The following RPGRIP1L variants were observed in gnomAD, a reference collection of about 807,000 sequenced individuals.
RPGRIP1L encodes RPGRIP1 like, also known as protein fantom.
A neutral mutation model predicts 160.4 loss-of-function variants in RPGRIP1L; 131 were observed. That is an observed-to-expected ratio of 0.82 (90% confidence interval 0.71 to 0.94). RPGRIP1L has a LOEUF of 0.94. Among genes scored for constraint, RPGRIP1L ranks in the 40% least tolerant of loss-of-function variants. The pLI, the probability that RPGRIP1L is intolerant of heterozygous loss-of-function variation, is 0.00. For missense variants in RPGRIP1L, 1,522 were observed against 1,535.8 expected, an observed-to-expected ratio of 0.99 and a Z score of 0.15; for synonymous variants, 510 against 515.8, an observed-to-expected ratio of 0.99 and a Z score of 0.15.
chr16:53,668,066 C>A, intron 9 of RPGRIP1L, among the ~76,000 whole-genome samples: 1 of 144,112 alleles, frequency 6.9e-6, no homozygotes, highest in African/African-American at 2.5e-5. Context: ...TCTCTGTCTC[C>A]TTTTTTTTTT....
At chr16:53,686,041 T>G (rs188801770) in intron 6 of RPGRIP1L, among the ~76,000 whole-genome samples, 2 of 152,200 alleles carry the variant, frequency 1.3e-5, no homozygotes, top group Admixed American at 6.5e-5. Flanking sequence ...GAATTTACTA[T>G]CTTTTAAGGT....
rs561210424 is a variant in RPGRIP1L, at chr16:53,599,504, T to C, written c.*2572A>G. Reference sequence around the variant, plus strand: ...ACACTCTCCCACATACCACATCACATCTCTATTTGTATTTCCAAACTAAAA... The same window carrying C: ...ACACTCTCCCACATACCACATCACACCTCTATTTGTATTTCCAAACTAAAA... On this transcript the variant is annotated 3_prime_UTR_variant, in exon 27 of 27. Coordinates refer to ENST00000647211, the MANE Select transcript of RPGRIP1L (RefSeq NM_015272.5). 1 of 152,130 alleles carries C rather than the reference T, an allele frequency of 6.6e-6. No individual in the cohort carries two copies. Among genetic ancestry groups the C allele is most frequent in the Admixed American group, 6.6e-5 (1 of 15,264 alleles). The allele number at this position is 152,130 out of a possible 1,614,324, so 9.4% of individuals were successfully genotyped here.
At position 53,656,489 on chromosome 16, in the gene RPGRIP1L, C is replaced by T. The variant is rs147366111; in HGVS notation, c.1682G>A (p.Arg561His). The change falls in exon 14 of 27, where the codon CGT (arginine) becomes CAT (histidine). Residue 561 changes from arginine to histidine, a missense_variant. Coordinates refer to ENST00000647211, the MANE Select transcript of RPGRIP1L (RefSeq NM_015272.5). ...YVHLLDIRAA[R>H]IHKLEAQLKD... ...TGTTGTACCTTCTAGTTTATGGATA[C>T]GTGCAGCCCTGATATCAAGAAGATG... 1,056 of 1,610,306 alleles carry T rather than the reference C, an allele frequency of 6.6e-4. 1 individual carries two copies. The highest frequency in any genetic ancestry group is 8.6e-4 in the Non-Finnish European group (1,009 of 1,176,656).
rs754766543 is a variant in RPGRIP1L, at chr16:53,652,937, CTGGTT to C, written c.1745_1749del (p.Lys582ArgfsTer6). ...TCAACAGAGTCATCTGGCATGATTT[CTGGTT>C]TAAATTTGTACTGCTTGGTGCCATA... On this transcript the variant is annotated frameshift_variant, in exon 15 of 27. Transcript: ENST00000647211. LOFTEE classifies it high-confidence loss of function. The C allele has an allele frequency of 1.2e-6, 2 of 1,613,640 alleles. No individual in the cohort carries two copies. Among genetic ancestry groups the C allele is most frequent in the Admixed American group, 1.7e-5 (1 of 59,938 alleles).
At chr16:53,606,623 G>T (rs2150923486) in intron 25 of RPGRIP1L, among the ~76,000 whole-genome samples, 1 of 151,890 alleles carries the variant, frequency 6.6e-6, no homozygotes, top group African/African-American at 2.4e-5. Context: ...TGTTTGTTGT[G>T]TTTTTTTTGA....
chr16:53,625,653 C>G (rs891707964), intron 22 of RPGRIP1L, among the ~76,000 whole-genome samples: 2 of 152,170 alleles, frequency 1.3e-5, no homozygotes, highest in East Asian at 3.9e-4. Context: ...TACCCAACGG[C>G]TCATTGAGAA....
At chr16:53,608,334 T>C (rs998427520) in intron 25 of RPGRIP1L, among the ~76,000 whole-genome samples, 8 of 152,222 alleles carry the variant, frequency 5.3e-5, no homozygotes, top group Admixed American at 3.9e-4. Context: ...ACTTTCTATT[T>C]TGGCATTTAA....
intron 22 of RPGRIP1L, among the ~76,000 whole-genome samples, chr16:53,626,367 T>A (rs1965177757): frequency 6.6e-6 from 1 of 152,186 alleles, no homozygotes; most frequent in South Asian, 2.1e-4. Context: ...CAGCACAGGC[T>A]TTAGACTTTT....
At chr16:53,636,977 C>T (rs938891352) in intron 21 of RPGRIP1L, among the ~76,000 whole-genome samples, 13 of 136,304 alleles carry the variant, frequency 9.5e-5, no homozygotes, top group African/African-American at 3.6e-4. Context: ...CACACACACA[C>T]ACACACACAC....
chr16:53,648,620 G>GCACACACA (rs1329861075), intron 16 of RPGRIP1L, among the ~76,000 whole-genome samples: 42 of 62,482 alleles, frequency 6.7e-4, no homozygotes, highest in African/African-American at 2.0e-3. Flanking sequence ...GCGTGCGCGC[G>GCACACACA]CGCGCGCACA....
Position 53,686,458 on chromosome 16 carries a change from G to A in RPGRIP1L, c.751C>T (p.Arg251Ter), listed in dbSNP as rs993394322. 3.1e-6 allele frequency: 5 copies of A among 1,613,280 alleles called. No individual in the cohort carries two copies. The highest frequency in any genetic ancestry group is 2.7e-5 in the African/African-American group (2 of 74,970). Residue 251 changes from arginine (R) to a stop codon, truncating the protein, a stop_gained, in exon 6 of 27, where the codon CGA (arginine) becomes TGA (stop). Coordinates refer to ENST00000647211, the MANE Select transcript of RPGRIP1L (RefSeq NM_015272.5). LOFTEE classifies it high-confidence loss of function. ...CTTTGATCTGTAGCTTGCTGTTCTC[G>A]AAGCTGAAGAAGAGATAACTCAATT... ...NEIELSLLQLREQQATDQRSN... is the reference protein window; with the variant it reads ...NEIELSLLQL
At chr16:53,649,867 G>A (rs1377616192) in intron 15 of RPGRIP1L, among the ~76,000 whole-genome samples, 3 of 151,946 alleles carry the variant, frequency 2.0e-5, no homozygotes, top group Non-Finnish European at 4.4e-5. Context: ...TGAGAGCAAG[G>A]GCCATAATTT....
intron 7 of RPGRIP1L, among the ~76,000 whole-genome samples, chr16:53,673,290 G>T (rs915048246): frequency 1.3e-5 from 2 of 152,114 alleles, no homozygotes; most frequent in Non-Finnish European, 2.9e-5. Context: ...CTTATTGATG[G>T]TGACCAGCAA....
At position 53,672,837 on chromosome 16, in the gene RPGRIP1L, T is replaced by C. The variant is rs201611020; in HGVS notation, c.1029+33A>G. On this transcript the variant is annotated intron_variant, in intron 8 of 26. Coordinates refer to ENST00000647211, the MANE Select transcript of RPGRIP1L (RefSeq NM_015272.5). ...CAAAACAGTTACCAAGAAGTTGTAATGCAACAGATGGCTAAACTCTTTGGG... is the reference window on the plus strand; with the variant it reads ...CAAAACAGTTACCAAGAAGTTGTAACGCAACAGATGGCTAAACTCTTTGGG... The C allele has an allele frequency of 1.9e-5, 31 of 1,594,952 alleles. No individual in the cohort carries two copies. The South Asian group carries it at 2.7e-4, about 14-fold the overall frequency.
chr16:53,610,891 T>C, intron 25 of RPGRIP1L, 76 bp downstream of exon 25: 1 of 1,222,126 alleles, frequency 8.2e-7, no homozygotes, highest in South Asian at 1.2e-5. Flanking sequence ...ATCTTGTGCC[T>C]TTTATTTTAA....
chr16:53,658,543 C>G, intron 11 of RPGRIP1L, 79 bp from the exon 12 acceptor site: 1 of 1,176,636 alleles, frequency 8.5e-7, no homozygotes, highest in Admixed American at 1.7e-5. Context: ...CAAATTATCC[C>G]CATGAAACAT....
At chr16:53,648,220 A>G (rs1966694814) in intron 16 of RPGRIP1L, among the ~76,000 whole-genome samples, 1 of 152,164 alleles carries the variant, frequency 6.6e-6, no homozygotes, top group Admixed American at 6.5e-5. Context: ...TCATGGAACT[A>G]ATATGAAAAT....
chr16:53,619,332 T>A, intron 23 of RPGRIP1L, 124 bp from the exon 24 acceptor site: 1 of 786,556 alleles, frequency 1.3e-6, no homozygotes, highest in Non-Finnish European at 2.1e-6. Context: ...TTTTCTTGAA[T>A]GCAATGTACA....
chr16:53,622,022 C>CA (rs36057385), intron 23 of RPGRIP1L, among the ~76,000 whole-genome samples, 197 bp downstream of exon 23: 6,772 of 24,052 alleles, frequency 0.28, 2,258 homozygotes, highest in African/African-American at 0.61. Flanking sequence ...GACTCCGTCT[C>CA]AAAAAAAAAA....
Sources: allele counts gnomAD v4.1 joint callset (sites outside exome capture counted in the v4.1 genomes callset), GRCh38; gene constraint gnomAD v4.1.1; transcripts MANE v1.5; gene names NCBI Gene and HGNC (gene_info 2026-07-23, HGNC 2026-07-21).